Variants in ACVR1B observed in about 807,000 individuals in gnomAD.
ACVR1B encodes activin A receptor type 1B, also known as activin receptor type-1B.
A neutral mutation model predicts 55.6 loss-of-function variants in ACVR1B; 15 were observed. The observed-to-expected ratio is 0.27, with a 90% CI of 0.18 to 0.42. The LOEUF is 0.42. Ranked by LOEUF, ACVR1B falls within the 10% of genes least tolerant of loss-of-function variation. The pLI, the probability that ACVR1B is intolerant of heterozygous loss-of-function variation, is 1.00. For synonymous variants in ACVR1B, 247 were observed against 254.6 expected, an observed-to-expected ratio of 0.97 and a Z score of 0.28; for missense variants, 359 against 670.1, an observed-to-expected ratio of 0.54 and a Z score of 5.13.
intron 1 of ACVR1B, among the ~76,000 whole-genome samples, chr12:51,969,231 T>A (rs904079483): frequency 1.3e-5 from 2 of 152,180 alleles, no homozygotes; most frequent in African/African-American, 4.8e-5. Context: ...TGGAGTAATT[T>A]GTTATATGGC....
At position 51,991,939 on chromosome 12, in the gene ACVR1B, T is replaced by C. The variant is rs1295421352; in HGVS notation, c.1338T>C (p.Val446=). The change falls in exon 8 of 9, where the codon GTT becomes GTC. Residue 446 remains valine (V), a synonymous_variant. Coordinates refer to ENST00000257963, the MANE Select transcript of ACVR1B (RefSeq NM_004302.5). ...SDPSIEEMRK[V]VCDQKLRPNI... ...CTTCCATTGAGGAAATGCGAAAGGT[T>C]GTATGTGATCAGAAGCTGCGTCCCA... 2.5e-6 allele frequency: 4 copies of C among 1,614,068 alleles called. No homozygotes were observed. Among genetic ancestry groups the C allele is most frequent in the Non-Finnish European group, 3.4e-6 (4 of 1,180,046 alleles).
At position 51,986,682 on chromosome 12, in the gene ACVR1B, G is replaced by A. The variant is rs1396466181; in HGVS notation, c.1137-136G>A. On this transcript the variant is annotated intron_variant, in intron 6 of 8. Coordinates refer to ENST00000257963, the MANE Select transcript of ACVR1B (RefSeq NM_004302.5). The stretch of plus-strand genomic sequence containing the variant: ...ATGGGAGTTTGCAATGAAGAGATGT[G>A]TACACTTCTTCTGCCCCAAGGGACT... 4 of 1,219,946 alleles carry A rather than the reference G, an allele frequency of 3.3e-6. No individual in the cohort carries two copies. In the East Asian group the frequency reaches 7.0e-5, roughly 21 times the overall value. The allele number at this position is 1,219,946 out of a possible 1,614,324, so 75.6% of individuals were successfully genotyped here. A position where few individuals can be genotyped will look rare whatever the true frequency, so the allele number is the denominator to read the frequency against.
chr12:51,955,638 A>G (rs1941392108), intron 1 of ACVR1B, among the ~76,000 whole-genome samples: 1 of 152,250 alleles, frequency 6.6e-6, no homozygotes, highest in African/African-American at 2.4e-5. Flanking sequence ...TTTTGCTCAG[A>G]GTAGCAGTGA....
Position 51,994,393 on chromosome 12 carries a change from G to A in ACVR1B, c.*283G>A, listed in dbSNP as rs1345787962. The A allele has an allele frequency of 1.4e-5, 5 of 367,316 alleles. No homozygotes were observed. The highest frequency in any genetic ancestry group is 3.0e-5 in the South Asian group (1 of 32,850). The allele number at this position is 367,316 out of a possible 1,614,324, so 22.8% of individuals were successfully genotyped here. ...AACTGGTTGTAGTGGGAAGTCCCGC[G>A]AAACCCGGTGCATCTGGCACGTGGC... On this transcript the variant is annotated 3_prime_UTR_variant, in exon 9 of 9. Transcript: ENST00000257963. The surrounding 1 kb of genome is among the most constrained non-coding windows in gnomAD (Gnocchi z 4.2).
rs1003679016 is a variant in ACVR1B, at chr12:51,994,211, T to C, written c.*101T>C. ...CCTACCTCTCGTTTCTGCCCAGCCC[T>C]CTGTGGCCAGGAGCCCTGGCCCGCA... On this transcript the variant is annotated 3_prime_UTR_variant, in exon 9 of 9. Coordinates refer to ENST00000257963, the MANE Select transcript of ACVR1B (RefSeq NM_004302.5). The surrounding 1 kb of genome is among the most constrained non-coding windows in gnomAD (Gnocchi z 4.2). 36 of 1,523,412 alleles carry C rather than the reference T, an allele frequency of 2.4e-5. No homozygotes were observed. The highest frequency in any genetic ancestry group is 4.1e-5 in the African/African-American group (3 of 72,920). 94.4% of individuals were successfully genotyped at this position (1,523,412 alleles called of 1,614,324 possible). A position where few individuals can be genotyped will look rare whatever the true frequency, so the allele number is the denominator to read the frequency against.
chr12:51,993,765 T>TTA (rs1942240422), intron 8 of ACVR1B, among the ~76,000 whole-genome samples: 1 of 29,742 alleles, frequency 3.4e-5, no homozygotes, highest in Admixed American at 6.3e-4. Flanking sequence ...AGACTCCTTC[T>TTA]AAAAAAAAAA....
At chr12:51,959,258 A>G (rs959977783) in intron 1 of ACVR1B, among the ~76,000 whole-genome samples, 1 of 152,234 alleles carries the variant, frequency 6.6e-6, no homozygotes, top group Middle Eastern at 3.2e-3. Flanking sequence ...TGATTGAACT[A>G]GCCCTTTCAA....
intron 1 of ACVR1B, among the ~76,000 whole-genome samples, chr12:51,969,839 T>C (rs1173685458): frequency 6.6e-6 from 1 of 152,170 alleles, no homozygotes; most frequent in Non-Finnish European, 1.5e-5. Context: ...GAGCTATGAC[T>C]GCACCTGTAA....
chr12:51,961,391 A>G (rs1592243460), intron 1 of ACVR1B, among the ~76,000 whole-genome samples: 2 of 152,182 alleles, frequency 1.3e-5, no homozygotes, highest in Non-Finnish European at 2.9e-5. Context: ...ATAATCTTGT[A>G]TATATAGTAT....
chr12:51,991,361 A>G (rs1219461450), intron 7 of ACVR1B, among the ~76,000 whole-genome samples: 4 of 152,034 alleles, frequency 2.6e-5, no homozygotes, highest in Non-Finnish European at 5.9e-5. Context: ...TGCTTTGGCT[A>G]TGAAAAAAAA....
At chr12:51,990,166 C>T (rs1592262482) in intron 7 of ACVR1B, among the ~76,000 whole-genome samples, 2 of 151,680 alleles carry the variant, frequency 1.3e-5, no homozygotes, top group African/African-American at 4.8e-5. Flanking sequence ...TGGTGGCAGG[C>T]ACCTGTAATC....
intron 1 of ACVR1B, among the ~76,000 whole-genome samples, chr12:51,970,712 T>G (rs756851294): frequency 1.3e-5 from 2 of 152,058 alleles, no homozygotes; most frequent in Non-Finnish European, 2.9e-5. Flanking sequence ...GAAAGAGTGC[T>G]GAGAAGCAGT....
intron 7 of ACVR1B, among the ~76,000 whole-genome samples, chr12:51,989,548 G>A (rs1402072360): frequency 6.6e-6 from 1 of 152,120 alleles, no homozygotes; most frequent in Non-Finnish European, 1.5e-5. Context: ...GCCTCCCAAA[G>A]TGCTAGGATT....
intron 3 of ACVR1B, among the ~76,000 whole-genome samples, chr12:51,977,489 G>A (rs924163523): frequency 6.6e-6 from 1 of 151,802 alleles, no homozygotes; most frequent in African/African-American, 2.4e-5. Flanking sequence ...TAGAGACAAG[G>A]TTTCGCCACA....
rs773584574 is a variant in ACVR1B, at chr12:51,994,024, T to C, written c.1432T>C (p.Tyr478His). 1 of 1,614,146 alleles carries C rather than the reference T, an allele frequency of 6.2e-7. No individual in the cohort carries two copies. The highest frequency in any genetic ancestry group is 8.5e-7 in the Non-Finnish European group (1 of 1,180,036). Residue 478 changes from tyrosine to histidine, a missense_variant, in exon 9 of 9, where the codon TAT (tyrosine) becomes CAT (histidine). Transcript: ENST00000257963. The surrounding 1 kb of genome is among the most constrained non-coding windows in gnomAD (Gnocchi z 4.2). ...VMGKMMRECW[Y>H]ANGAARLTAL... ...GGGGAAGATGATGCGAGAGTGTTGGTATGCCAACGGCGCAGCCCGCCTGAC... is the reference window on the plus strand; with the variant it reads ...GGGGAAGATGATGCGAGAGTGTTGGCATGCCAACGGCGCAGCCCGCCTGAC...
chr12:51,974,164 A>C (rs971587426), intron 1 of ACVR1B, among the ~76,000 whole-genome samples: 1 of 150,700 alleles, frequency 6.6e-6, no homozygotes, highest in African/African-American at 2.4e-5. Flanking sequence ...GGCCCCCACC[A>C]CCTCCACCCG....
chr12:51,976,601 T>G (rs777745262), intron 3 of ACVR1B, 26 bp downstream of exon 3: 1 of 1,609,690 alleles, frequency 6.2e-7, no homozygotes, highest in Non-Finnish European at 8.5e-7. Flanking sequence ...GGGCATCATG[T>G]CTGTGGTTGG....
rs934048539 is a variant in ACVR1B, at chr12:51,952,544, C to G, written c.91+710C>G. Among the ~76,000 whole-genome samples the G allele has an allele frequency of 3.9e-4, 59 of 152,198 alleles. 1 individual carries two copies. The highest frequency in any genetic ancestry group is 1.4e-3 in the African/African-American group (56 of 41,440). ...AAGTGGGACGAACAGGCCCCTAAACCTTTTTGGAGCCTGGCTTTGGAATCC... is the reference window on the plus strand; with the variant it reads ...AAGTGGGACGAACAGGCCCCTAAACGTTTTTGGAGCCTGGCTTTGGAATCC... On this transcript the variant is annotated intron_variant, in intron 1 of 8. Coordinates refer to ENST00000257963, the MANE Select transcript of ACVR1B (RefSeq NM_004302.5).
chr12:51,991,959 G>A lies in ACVR1B; in HGVS notation c.1358G>A (p.Arg453His). The change falls in exon 8 of 9, where the codon CGT becomes CAT. Residue 453 changes from arginine (R) to histidine (H), a missense_variant. Arg to His is a conservative substitution (Grantham distance 29, BLOSUM62 0). Transcript: ENST00000257963. ...AAGGTTGTATGTGATCAGAAGCTGC[G>A]TCCCAACATCCCCAACTGGTGGCAG... Reference protein sequence around the residue: ...MRKVVCDQKLRPNIPNWWQSY... With the variant: ...MRKVVCDQKLHPNIPNWWQSY... 5 of 1,614,206 alleles carry A rather than the reference G, an allele frequency of 3.1e-6. No homozygotes were observed. Among genetic ancestry groups the A allele is most frequent in the East Asian group, 2.2e-5 (1 of 44,882 alleles).
Sources: gnomAD v4.1 joint callset for allele counts (sites outside exome capture counted in the v4.1 genomes callset) on GRCh38, gnomAD v4.1.1 for gene constraint, Gnocchi (gnomAD v3.1) non-coding constraint, MANE v1.5 for transcripts, NCBI Gene and HGNC (gene_info 2026-07-23, HGNC 2026-07-21) for gene names.